Variants in SMAD9 observed in about 807,000 individuals in gnomAD.
SMAD9 encodes MAD homolog 9.
In SMAD9, 36 loss-of-function variants were observed where a neutral mutation model predicts 46.1. The ratio of observed to expected loss-of-function variants is 0.78; its 90% confidence interval spans 0.60 to 1.03. SMAD9 has a LOEUF of 1.03. SMAD9 is among the 50% of genes least tolerant of loss of function. SMAD9 has a pLI of 0.00. For synonymous variants in SMAD9, 245 were observed against 237.1 expected, an observed-to-expected ratio of 1.03 and a Z score of -0.31; for missense variants, 572 against 599.8, an observed-to-expected ratio of 0.95 and a Z score of 0.48.
upstream of SMAD9, among the ~76,000 whole-genome samples, chr13:36,920,436 G>C (rs867735969): frequency 5.9e-5 from 9 of 151,776 alleles, no homozygotes; most frequent in African/African-American, 2.2e-4. Context: ...TCGCGGCGCG[G>C]GGGTGGCGGG....
At chr13:36,893,506 CA>C (rs1382030194) in intron 1 of SMAD9, among the ~76,000 whole-genome samples, 2 of 149,570 alleles carry the variant, frequency 1.3e-5, no homozygotes, top group Admixed American at 6.7e-5. Flanking sequence ...CAGTATTACT[CA>C]AAAAAGCAAA....
In SMAD9 at chr13:36,897,000, ACT is replaced by A. The variant is rs921345313; in HGVS notation, c.-186-17127_-186-17126del. Among the ~76,000 whole-genome samples the A allele has an allele frequency of 2.1e-4, 32 of 152,078 alleles. 1 individual carries two copies. The highest frequency in any genetic ancestry group is 4.8e-5 in the African/African-American group (2 of 41,392). ...TTGAAAAAAAAAACAGATTTAGAAC[ACT>A]CTATGTGTAGATTTTATGAGCTGGT... On this transcript the variant is annotated intron_variant, in intron 1 of 6. Coordinates refer to ENST00000379826, the MANE Select transcript of SMAD9 (RefSeq NM_001127217.3).
intron 1 of SMAD9, among the ~76,000 whole-genome samples, chr13:36,881,851 A>C (rs903509047): frequency 6.6e-6 from 1 of 152,242 alleles, no homozygotes; most frequent in Admixed American, 6.5e-5. Flanking sequence ...ATGATAGAAT[A>C]ACCTGAACCC....
At chr13:36,853,017 T>C (rs931340712) in intron 6 of SMAD9, among the ~76,000 whole-genome samples, 20 of 152,230 alleles carry the variant, frequency 1.3e-4, no homozygotes, top group Non-Finnish European at 2.4e-4. Flanking sequence ...CTGGGCGCGG[T>C]GGCTCACGCC....
At chr13:36,855,205 C>T (rs1033473160) in intron 5 of SMAD9, among the ~76,000 whole-genome samples, 9 of 146,104 alleles carry the variant, frequency 6.2e-5, no homozygotes, top group East Asian at 4.0e-4. Flanking sequence ...GCGAAGATCA[C>T]GCCACTACTG....
intron 5 of SMAD9, among the ~76,000 whole-genome samples, chr13:36,861,088 G>T (rs1156651755): frequency 6.6e-6 from 1 of 152,140 alleles, no homozygotes; most frequent in Admixed American, 6.5e-5. Context: ...CTCTACCTCA[G>T]GGACATACCC....
intron 3 of SMAD9, among the ~76,000 whole-genome samples, chr13:36,867,812 A>G (rs2058250645): frequency 6.6e-6 from 1 of 152,166 alleles, no homozygotes; most frequent in Non-Finnish European, 1.5e-5. Context: ...GGGACGCTCT[A>G]TCCCTGAGAT....
At chr13:36,909,993 C>G (rs1395907006) in intron 1 of SMAD9, among the ~76,000 whole-genome samples, 1 of 151,950 alleles carries the variant, frequency 6.6e-6, no homozygotes, top group Admixed American at 6.6e-5. Flanking sequence ...GTCAGGAGAT[C>G]GAGACCATCC....
chr13:36,897,830 T>C (rs2058541184), intron 1 of SMAD9, among the ~76,000 whole-genome samples: 1 of 150,136 alleles, frequency 6.7e-6, no homozygotes, highest in Non-Finnish European at 1.5e-5. Context: ...CATTCCAAGG[T>C]AACAGAAATG....
intron 1 of SMAD9, among the ~76,000 whole-genome samples, chr13:36,894,304 T>C (rs896157340): frequency 1.3e-5 from 2 of 152,082 alleles, no homozygotes; most frequent in African/African-American, 2.4e-5. Flanking sequence ...GTGAGTCTCA[T>C]GAGATCTGAC....
At chr13:36,879,047 G>T (rs1044557306) in intron 2 of SMAD9, among the ~76,000 whole-genome samples, 2 of 152,076 alleles carry the variant, frequency 1.3e-5, no homozygotes, top group African/African-American at 4.8e-5. Flanking sequence ...TGTTCCTGTG[G>T]CATTCCAGGC....
intron 1 of SMAD9, among the ~76,000 whole-genome samples, chr13:36,883,030 C>T (rs1159762467): frequency 1.3e-5 from 2 of 152,110 alleles, no homozygotes; most frequent in Non-Finnish European, 2.9e-5. Flanking sequence ...ATTCTCATTC[C>T]TATAATGTTT....
intron 1 of SMAD9, among the ~76,000 whole-genome samples, chr13:36,891,177 T>C (rs181798577): frequency 6.9e-6 from 1 of 145,860 alleles, no homozygotes; most frequent in Admixed American, 6.6e-5. Flanking sequence ...TTACTATCTT[T>C]CCTTGTGCTT....
intron 1 of SMAD9, among the ~76,000 whole-genome samples, chr13:36,916,008 T>A (rs2058696064): frequency 6.6e-6 from 1 of 151,914 alleles, no homozygotes; most frequent in Non-Finnish European, 1.5e-5. Context: ...AAAATGAGAG[T>A]TAGTATTGTT....
At chr13:36,852,836 T>C (rs1173967849) in intron 6 of SMAD9, among the ~76,000 whole-genome samples, 3 of 152,244 alleles carry the variant, frequency 2.0e-5, no homozygotes, top group Non-Finnish European at 4.4e-5. Context: ...ACTAGTCCTG[T>C]AAAATTACTG....
Position 36,905,774 on chromosome 13 carries a change from CAAAAAAAAAAAAAAAAAAAAA to C in SMAD9, c.-187+14321_-187+14341del, listed in dbSNP as rs60358673. The stretch of plus-strand genomic sequence containing the variant: ...TAGATAAAAGGGCAAGACCCTGTCT[CAAAAAAAAAAAAAAAAAAAAA>C]AAAAAAAAAAAAAAAAAAAACTTAT... On this transcript the variant is annotated intron_variant, in intron 1 of 6. Coordinates refer to ENST00000379826, the MANE Select transcript of SMAD9 (RefSeq NM_001127217.3). Among the ~76,000 whole-genome samples the C allele has an allele frequency of 1.4e-3, 93 of 66,454 alleles. 1 individual carries two copies. The highest frequency in any genetic ancestry group is 4.4e-3 in the African/African-American group (76 of 17,254). 43.6% of individuals were successfully genotyped at this position (66,454 alleles called of 152,430 possible). A position where few individuals can be genotyped will look rare whatever the true frequency, so the allele number is the denominator to read the frequency against.
intron 1 of SMAD9, among the ~76,000 whole-genome samples, chr13:36,899,783 G>A (rs181780038): frequency 1.3e-5 from 2 of 152,314 alleles, no homozygotes; most frequent in East Asian, 3.9e-4. Flanking sequence ...AGATTGTGTA[G>A]TATGTGAAAA....
At chr13:36,882,382 C>T (rs924943333) in intron 1 of SMAD9, among the ~76,000 whole-genome samples, 1 of 152,200 alleles carries the variant, frequency 6.6e-6, no homozygotes, top group African/African-American at 2.4e-5. Context: ...AACTGTCTGT[C>T]TGAGGTTTCC....
intron 1 of SMAD9, among the ~76,000 whole-genome samples, chr13:36,884,905 A>G (rs1043963587): frequency 8.5e-5 from 13 of 152,234 alleles, no homozygotes; most frequent in Non-Finnish European, 1.8e-4. Flanking sequence ...CAGGGTGCAC[A>G]ATGCGCTCAG....
Sources: gnomAD v4.1 joint callset for allele counts (sites outside exome capture counted in the v4.1 genomes callset) on GRCh38, gnomAD v4.1.1 for gene constraint, MANE v1.5 for transcripts, NCBI Gene and HGNC (gene_info 2026-07-23, HGNC 2026-07-21) for gene names.